PCP4: variants seen among roughly 807,000 people sequenced by gnomAD.
PCP4 encodes the protein calmodulin regulator protein PCP4.
PCP4 carries 8 observed loss-of-function variants against 10.0 expected under a neutral mutation model. That is an observed-to-expected ratio of 0.80 (90% CI 0.47 to 1.45). The LOEUF (loss-of-function observed/expected upper bound fraction) is 1.45, where lower values mean the gene tolerates loss of function less well. PCP4 is among the 40% of genes most tolerant of loss of function. The pLI is 0.00. For missense variants in PCP4, 54 were observed against 74.4 expected (o/e 0.73, Z 1.01); for synonymous variants, 21 against 23.0 (o/e 0.91, Z 0.24).
At position 39,904,246 on chromosome 21, in the gene PCP4, T is replaced by C. The variant is rs2087495972; in HGVS notation, c.61+5719T>C. On this transcript the variant is annotated intron_variant, in intron 2 of 2. Transcript: ENST00000328619. The stretch of plus-strand genomic sequence containing the variant: ...TTCACTACCCCCTACCCCTGGCCCT[T>C]TGTGGCTCCATATCTCCCAGTAGAC... 2.0e-5 allele frequency among the ~76,000 whole-genome samples: 3 copies of C among 152,168 alleles called. No homozygotes were observed. In the South Asian group the frequency reaches 6.2e-4, roughly 32 times the overall value.
intron 2 of PCP4, among the ~76,000 whole-genome samples, chr21:39,923,724 C>T (rs1267431790): frequency 1.3e-5 from 2 of 152,182 alleles, no homozygotes; most frequent in African/African-American, 4.8e-5. Context: ...AAAGTGGTAA[C>T]ATGACGGAAA....
chr21:39,923,893 G>A (rs2087608794), intron 2 of PCP4, among the ~76,000 whole-genome samples: 1 of 152,220 alleles, frequency 6.6e-6, no homozygotes, highest in Non-Finnish European at 1.5e-5. Context: ...ATGTCCTTTT[G>A]TATTGTCTAA....
At chr21:39,868,596 C>A (rs1256600720) in intron 1 of PCP4, among the ~76,000 whole-genome samples, 1 of 152,208 alleles carries the variant, frequency 6.6e-6, no homozygotes, top group Non-Finnish European at 1.5e-5. Flanking sequence ...GTACCTGTAA[C>A]AGCAGCTAAC....
At position 39,929,126 on chromosome 21, in the gene PCP4, C is replaced by A. The variant is rs537127927; in HGVS notation, c.*15C>A. On this transcript the variant is annotated 3_prime_UTR_variant, in exon 3 of 3. Coordinates refer to ENST00000328619, the MANE Select transcript of PCP4 (RefSeq NM_006198.3). ...CTCAGTCCTAGTGGGAGAACCCCCTCCTAGTCCACCTGAAAACACCAAATT... is the reference window on the plus strand; with the variant it reads ...CTCAGTCCTAGTGGGAGAACCCCCTACTAGTCCACCTGAAAACACCAAATT... 6.2e-7 allele frequency: 1 copy of A among 1,602,996 alleles called. No homozygotes were observed. Among genetic ancestry groups the A allele is most frequent in the East Asian group, 2.2e-5 (1 of 44,642 alleles).
chr21:39,907,773 G>T (rs953486392), intron 2 of PCP4, among the ~76,000 whole-genome samples: 3 of 151,816 alleles, frequency 2.0e-5, no homozygotes, highest in African/African-American at 7.3e-5. Flanking sequence ...CTCCAGCCTG[G>T]GCAACAGAGT....
intron 2 of PCP4, 36 bp downstream of exon 2, chr21:39,898,563 T>C: frequency 1.9e-6 from 3 of 1,560,922 alleles, no homozygotes; most frequent in Non-Finnish European, 2.7e-6. Context: ...TCTTTCTCTT[T>C]TGCCATCTGC....
intron 1 of PCP4, among the ~76,000 whole-genome samples, chr21:39,880,474 T>C (rs112898010): frequency 0.018 from 2,780 of 152,258 alleles, 76 homozygotes; most frequent in African/African-American, 0.063. Flanking sequence ...AGTGTGTGTG[T>C]GTGCATGCGT....
At chr21:39,904,632 C>T (rs562826747) in intron 2 of PCP4, among the ~76,000 whole-genome samples, 6 of 152,300 alleles carry the variant, frequency 3.9e-5, no homozygotes, top group African/African-American at 1.4e-4. Context: ...TACACCTGCC[C>T]CTGCCTGCAG....
At chr21:39,914,096 A>G (rs967888405) in intron 2 of PCP4, among the ~76,000 whole-genome samples, 1 of 2,194 alleles carries the variant, frequency 4.6e-4, no homozygotes, top group African/African-American at 5.5e-3. Context: ...GAAAAGGCCC[A>G]GAGTACCCAC....
Position 39,925,728 on chromosome 21 carries a change from C to T in PCP4, c.62-3256C>T, listed in dbSNP as rs911639392. 5.3e-5 allele frequency among the ~76,000 whole-genome samples: 8 copies of T among 152,214 alleles called. No individual in the cohort carries two copies. The East Asian group carries it at 7.8e-4, about 15-fold the overall frequency. On this transcript the variant is annotated intron_variant, in intron 2 of 2. Coordinates refer to ENST00000328619, the MANE Select transcript of PCP4 (RefSeq NM_006198.3). ...GGGTATCAGCAGTAGAAAGGGCCCC[C>T]TGTACTGCTCGTGGGTCCCCGCCTC...
rs2087510465 is a variant in PCP4 at position 39,906,462 on chromosome 21, A to C, written c.61+7935A>C. Among the ~76,000 whole-genome samples the C allele has an allele frequency of 6.6e-6, 1 of 152,188 alleles. No individual in the cohort carries two copies. Among genetic ancestry groups the C allele is most frequent in the Admixed American group, 6.5e-5 (1 of 15,280 alleles). On this transcript the variant is annotated intron_variant, in intron 2 of 2. Transcript: ENST00000328619. This position sits in a 1 kb window ranked among gnomAD's most constrained non-coding sequence, Gnocchi z 6.3. ...CAGCCATGATAGTTTTCAAAATTAA[A>C]ACATCAAAGCAACATGTTCATTTAT...
rs57501558 is a variant in PCP4 at position 39,880,130 on chromosome 21, G to GTATCTATATCTATATCTA, written c.9+12664_9+12681dup. ...TCTATCTATATCTATATCTATATCTGTATCTATATCTATATCTATATCTAT... is the reference window on the plus strand; with the variant it reads ...TCTATCTATATCTATATCTATATCTGTATCTATATCTATATCTATATCTATATCTATATCTATATCTAT... On this transcript the variant is annotated intron_variant, in intron 1 of 2. Coordinates refer to ENST00000328619, the MANE Select transcript of PCP4 (RefSeq NM_006198.3). Among the ~76,000 whole-genome samples, 1,156 of 141,590 alleles carry GTATCTATATCTATATCTA rather than the reference G, an allele frequency of 8.2e-3. 11 individuals carry two copies. The highest frequency in any genetic ancestry group is 0.024 in the East Asian group (110 of 4,634). 92.9% of individuals were successfully genotyped at this position (141,590 alleles called of 152,430 possible).
intron 2 of PCP4, among the ~76,000 whole-genome samples, chr21:39,908,412 T>C (rs989649404): frequency 6.6e-6 from 1 of 152,052 alleles, no homozygotes; most frequent in Non-Finnish European, 1.5e-5. Flanking sequence ...TACAGAGCTG[T>C]TCACACCTCC....
At chr21:39,894,731 G>T (rs144583031) in intron 1 of PCP4, among the ~76,000 whole-genome samples, 90 of 152,234 alleles carry the variant, frequency 5.9e-4, no homozygotes, top group African/African-American at 2.0e-3. Flanking sequence ...TTAGTTCAAT[G>T]ATAATAAATA....
At chr21:39,903,373 C>A (rs187306082) in intron 2 of PCP4, among the ~76,000 whole-genome samples, 43 of 152,026 alleles carry the variant, frequency 2.8e-4, no homozygotes, top group African/African-American at 9.9e-4. Flanking sequence ...CCCTCACATC[C>A]AGGCTGTAGG....
chr21:39,901,603 G>GT (rs1335633696), intron 2 of PCP4, among the ~76,000 whole-genome samples: 1 of 152,060 alleles, frequency 6.6e-6, no homozygotes, highest in Non-Finnish European at 1.5e-5. Context: ...ACTGAGTGAG[G>GT]TTTTTTATGG....
At position 39,929,113 on chromosome 21, in the gene PCP4, G is replaced by A. The variant is rs766373750; in HGVS notation, c.*2G>A. 6.2e-7 allele frequency: 1 copy of A among 1,610,244 alleles called. No individual in the cohort carries two copies. The highest frequency in any genetic ancestry group is 8.5e-7 in the Non-Finnish European group (1 of 1,178,174). ...AAGAAGGCTGGGTCTCAGTCCTAGT[G>A]GGAGAACCCCCTCCTAGTCCACCTG... On this transcript the variant is annotated 3_prime_UTR_variant, in exon 3 of 3. Coordinates refer to ENST00000328619, the MANE Select transcript of PCP4 (RefSeq NM_006198.3).
chr21:39,869,830 C>G (rs971893893), intron 1 of PCP4, among the ~76,000 whole-genome samples: 2 of 152,226 alleles, frequency 1.3e-5, no homozygotes, highest in Non-Finnish European at 2.9e-5. Context: ...TTTAATAACT[C>G]TCAGGCAGAA....
chr21:39,927,288 A>G (rs979078488), intron 2 of PCP4, among the ~76,000 whole-genome samples: 3 of 106,376 alleles, frequency 2.8e-5, no homozygotes, highest in African/African-American at 9.8e-5. Context: ...TGATCTATCT[A>G]TCTATCTATC....
Sources: gnomAD v4.1 joint callset for allele counts (sites outside exome capture counted in the v4.1 genomes callset) on GRCh38, gnomAD v4.1.1 for gene constraint, Gnocchi (gnomAD v3.1) non-coding constraint, MANE v1.5 for transcripts, NCBI Gene and HGNC (gene_info 2026-07-23, HGNC 2026-07-21) for gene names.